The following NUDC variants were observed in gnomAD, a reference collection of about 807,000 sequenced individuals.
NUDC encodes nuclear distribution C, dynein complex regulator.
In NUDC, 14 loss-of-function variants were observed where a neutral mutation model predicts 45.0. That is an observed-to-expected ratio of 0.31 (90% CI 0.21 to 0.49). The LOEUF (loss-of-function observed/expected upper bound fraction) is 0.49, where lower values mean the gene tolerates loss of function less well. Among genes scored for constraint, NUDC ranks in the 20% least tolerant of loss-of-function variants. The pLI, the probability that NUDC is intolerant of heterozygous loss-of-function variation, is 0.99. For missense variants in NUDC, 323 were observed against 426.2 expected (o/e 0.76, Z 2.13); for synonymous variants, 153 against 156.7 (o/e 0.98, Z 0.17).
chr1:26,944,990 C>T (rs185663547), intron 6 of NUDC: 31 of 245,464 alleles, frequency 1.3e-4, no homozygotes, highest in South Asian at 1.1e-3. Flanking sequence ...TGCAGTGAGC[C>T]GAGATGGTGC....
chr1:26,929,165 A>G (rs1156472321), intron 2 of NUDC, among the ~76,000 whole-genome samples: 1 of 152,252 alleles, frequency 6.6e-6, no homozygotes, highest in Admixed American at 6.5e-5. Context: ...TCACAAAAGG[A>G]CAAATACAGT....
chr1:26,900,437 C>T lies in NUDC; in HGVS notation c.-101+37C>T, dbSNP rs2081972122. On this transcript the variant is annotated intron_variant, in intron 1 of 6. Coordinates refer to the NUDC transcript ENST00000435827. ...CCTCCTCCTCCGCCTCGCCGGGCAC[C>T]GCCATCTTGGATTGTCACATGATCA... is the stretch of plus-strand genomic sequence containing the variant. 3.7e-6 allele frequency: 6 copies of T among 1,608,388 alleles called. No homozygotes were observed. The African/African-American group carries it at 4.0e-5, about 11-fold the overall frequency.
At chr1:26,916,813 A>C (rs1278008298), upstream of NUDC, among the ~76,000 whole-genome samples, 5 of 152,070 alleles carry the variant, frequency 3.3e-5, no homozygotes, top group Non-Finnish European at 7.4e-5. Flanking sequence ...AAAATTAGCT[A>C]GGTAGGTAGT....
intron 2 of NUDC, among the ~76,000 whole-genome samples, chr1:26,908,136 G>A (rs868220821): frequency 8.6e-5 from 13 of 151,884 alleles, no homozygotes; most frequent in African/African-American, 2.7e-4. Flanking sequence ...CCGAGATCGC[G>A]CCACTGCACT....
At chr1:26,916,791 C>CA (rs2082063947), upstream of NUDC, among the ~76,000 whole-genome samples, 2 of 151,848 alleles carry the variant, frequency 1.3e-5, no homozygotes, top group South Asian at 2.1e-4. Flanking sequence ...CCCATCTCTA[C>CA]AAAAAAATAC....
intron 2 of NUDC, among the ~76,000 whole-genome samples, chr1:26,910,019 G>A (rs2082019002): frequency 6.6e-6 from 1 of 152,138 alleles, no homozygotes; most frequent in Non-Finnish European, 1.5e-5. Flanking sequence ...GACTCCAAGA[G>A]GATCCTGAAG....
chr1:26,919,005 G>C (rs2082075990), upstream of NUDC, among the ~76,000 whole-genome samples: 1 of 151,512 alleles, frequency 6.6e-6, no homozygotes, highest in South Asian at 2.1e-4. Context: ...CTTGAACTCT[G>C]GGCCTCAAGT....
At chr1:26,925,652 C>T (rs968577523) in intron 2 of NUDC, among the ~76,000 whole-genome samples, 1 of 151,250 alleles carries the variant, frequency 6.6e-6, no homozygotes, top group Non-Finnish European at 1.5e-5. Flanking sequence ...GATTCTGAGA[C>T]CTTGAACTTC....
intron 1 of NUDC, 44 bp from the exon 2 acceptor site, chr1:26,924,045 C>G: frequency 6.3e-7 from 1 of 1,579,184 alleles, no homozygotes; most frequent in Non-Finnish European, 8.7e-7. Context: ...TTGAAGGGCT[C>G]CCAAATGCAG....
rs12239134 is a variant in NUDC, at chr1:26,946,373, C to T, written c.*192C>T. 8,464 of 632,402 alleles carry T rather than the reference C, an allele frequency of 0.013. 488 individuals carry two copies. Among genetic ancestry groups the T allele is most frequent in the African/African-American group, 0.13 (7,298 of 54,622 alleles). The allele number at this position is 632,402 out of a possible 1,614,324, so 39.2% of individuals were successfully genotyped here. On this transcript the variant is annotated 3_prime_UTR_variant, in exon 9 of 9. Transcript: ENST00000321265. Reference sequence around the variant, plus strand: ...GTCCTCCCCAGTTGGCCTACTGTTACACATTAAAACGATTTGCCCAGCTCC... The same window carrying T: ...GTCCTCCCCAGTTGGCCTACTGTTATACATTAAAACGATTTGCCCAGCTCC...
intron 6 of NUDC, among the ~76,000 whole-genome samples, chr1:26,943,721 C>T (rs1035791292): frequency 7.2e-5 from 11 of 152,184 alleles, no homozygotes; most frequent in Non-Finnish European, 1.3e-4. Flanking sequence ...TATGTGCCCT[C>T]AGGAAGCCTT....
intron 2 of NUDC, among the ~76,000 whole-genome samples, chr1:26,932,163 C>G (rs1306727926): frequency 6.6e-6 from 1 of 151,396 alleles, no homozygotes; most frequent in Non-Finnish European, 1.5e-5. Context: ...GCCATCATGC[C>G]CAGCTAATTT....
chr1:26,933,236 A>G (rs1398067932), intron 2 of NUDC, among the ~76,000 whole-genome samples: 1 of 147,316 alleles, frequency 6.8e-6, no homozygotes, highest in Admixed American at 6.8e-5. Flanking sequence ...CCCGGCCACA[A>G]TTTTTTTTTT....
At chr1:26,941,338 C>T (rs746926881) in intron 2 of NUDC, 119 bp from the exon 3 acceptor site, 31 of 982,164 alleles carry the variant, frequency 3.2e-5, no homozygotes, top group Non-Finnish European at 3.3e-5. Flanking sequence ...ATGAGGAAAC[C>T]GAGTTTCTGG....
At chr1:26,945,836 C>G in intron 8 of NUDC, 150 bp downstream of exon 8, 3 of 779,624 alleles carry the variant, frequency 3.8e-6, no homozygotes, top group Non-Finnish European at 6.9e-6. Flanking sequence ...GGCTTGCCTA[C>G]TCTTGTCATT....
intron 3 of NUDC, chr1:26,912,064 G>A: frequency 6.2e-7 from 1 of 1,613,956 alleles, no homozygotes; most frequent in Non-Finnish European, 8.5e-7. Flanking sequence ...CAATGTGGGA[G>A]GCGGCTTGGA....
intron 2 of NUDC, among the ~76,000 whole-genome samples, chr1:26,940,247 C>T (rs2082265987): frequency 1.3e-5 from 2 of 152,068 alleles, no homozygotes; most frequent in South Asian, 4.2e-4. Flanking sequence ...GAGGCTGAGG[C>T]AGGCGGATCA....
At chr1:26,928,011 A>G (rs575797485) in intron 2 of NUDC, among the ~76,000 whole-genome samples, 20 of 152,332 alleles carry the variant, frequency 1.3e-4, no homozygotes, top group African/African-American at 4.8e-4. Flanking sequence ...AACTTACAAA[A>G]AAATACAAAA....
chr1:26,907,630 T>A (rs2082008173), intron 2 of NUDC, among the ~76,000 whole-genome samples: 1 of 152,022 alleles, frequency 6.6e-6, no homozygotes, highest in Non-Finnish European at 1.5e-5. Flanking sequence ...TAATAGGCAG[T>A]CAACGATTTG....
Sources: gnomAD v4.1 joint callset for allele counts (sites outside exome capture counted in the v4.1 genomes callset) on GRCh38, gnomAD v4.1.1 for gene constraint, MANE v1.5 for transcripts, NCBI Gene and HGNC (gene_info 2026-07-23, HGNC 2026-07-21) for gene names.